Variants in NKAIN3 observed in about 807,000 individuals in gnomAD.
NKAIN3 encodes the protein sodium/potassium-transporting ATPase subunit beta-1-interacting protein 3.
A neutral mutation model predicts 30.2 loss-of-function variants in NKAIN3; 25 were observed. That is an observed-to-expected ratio of 0.83 (90% CI 0.60 to 1.16). The LOEUF (loss-of-function observed/expected upper bound fraction) is 1.16, where lower values mean the gene tolerates loss of function less well. Ranked by LOEUF, NKAIN3 falls within the 50% of genes most tolerant of loss-of-function variation. The pLI is 0.00. For missense variants in NKAIN3, 225 were observed against 254.1 expected (o/e 0.89, Z 0.78); for synonymous variants, 91 against 89.6 (o/e 1.02, Z -0.09).
chr8:62,885,867 G>T (rs893280226), intron 4 of NKAIN3, among the ~76,000 whole-genome samples: 1 of 151,992 alleles, frequency 6.6e-6, no homozygotes, highest in Non-Finnish European at 1.5e-5. Flanking sequence ...TTATCTGTAT[G>T]TGTTTTTACA....
At chr8:62,510,260 A>G (rs1807778604) in intron 1 of NKAIN3, among the ~76,000 whole-genome samples, 1 of 152,150 alleles carries the variant, frequency 6.6e-6, no homozygotes, top group Admixed American at 6.6e-5. Context: ...AACATCAAAA[A>G]CAATAAACGC....
intron 4 of NKAIN3, among the ~76,000 whole-genome samples, chr8:62,809,502 C>A (rs1442741061): frequency 6.6e-6 from 1 of 152,174 alleles, no homozygotes; most frequent in South Asian, 2.1e-4. Context: ...TTCAGCCAGT[C>A]CCTCTTTTTG....
Position 62,589,749 on chromosome 8 carries a change from T to G in NKAIN3, c.228T>G (p.Asn76Lys). The change falls in exon 3 of 7, where the codon AAT (asparagine) becomes AAG (lysine). Residue 76 changes from asparagine to lysine, a missense_variant. Coordinates refer to ENST00000623646, the MANE Select transcript of NKAIN3 (RefSeq NM_001304533.3). ...GGACTGCCCTCTGGGTCACCTGGAA[T>G]GTGTTCATTATCTGCTTTTATTTGG... ...TVWTALWVTWNVFIICFYLEV... is the reference protein window; with the variant it reads ...TVWTALWVTWKVFIICFYLEV... 6.2e-7 allele frequency: 1 copy of G among 1,606,396 alleles called. No individual in the cohort carries two copies. Among genetic ancestry groups the G allele is most frequent in the Non-Finnish European group, 8.5e-7 (1 of 1,174,748 alleles).
chr8:62,595,531 C>T (rs1004315932), intron 3 of NKAIN3, among the ~76,000 whole-genome samples: 28 of 151,964 alleles, frequency 1.8e-4, no homozygotes, highest in Non-Finnish European at 3.7e-4. Context: ...GTCCCTCCCA[C>T]TGTGCTCTCA....
At chr8:62,822,191 A>G (rs944536978) in intron 4 of NKAIN3, among the ~76,000 whole-genome samples, 1 of 152,182 alleles carries the variant, frequency 6.6e-6, no homozygotes, top group African/African-American at 2.4e-5. Flanking sequence ...TGATTGTTCT[A>G]TTGCTGATTT....
At chr8:62,997,790 T>A (rs1486229043) in intron 5 of NKAIN3, among the ~76,000 whole-genome samples, 4 of 150,094 alleles carry the variant, frequency 2.7e-5, no homozygotes, top group African/African-American at 9.8e-5. Context: ...GGAGGAACAA[T>A]GTATGGTGAG....
chr8:62,764,392 G>A (rs1816769498), intron 4 of NKAIN3, among the ~76,000 whole-genome samples: 1 of 152,152 alleles, frequency 6.6e-6, no homozygotes, highest in African/African-American at 2.4e-5. Flanking sequence ...CATTAATCTT[G>A]GTTCTGATGT....
intron 4 of NKAIN3, among the ~76,000 whole-genome samples, chr8:62,913,278 A>G (rs1315973095): frequency 6.6e-5 from 10 of 152,282 alleles, no homozygotes; most frequent in African/African-American, 2.2e-4. Flanking sequence ...TGTGTTTGCT[A>G]TACTTTTATA....
rs183551519 is a variant in NKAIN3, at chr8:62,859,561, T to C, written c.472-58892T>C. ...CCTAGTTACATTTAACCAAATTAAATAAATAACATTTTAACCAAAACCACA... is the reference window on the plus strand; with the variant it reads ...CCTAGTTACATTTAACCAAATTAAACAAATAACATTTTAACCAAAACCACA... On this transcript the variant is annotated intron_variant, in intron 4 of 6. Transcript: ENST00000623646. Among the ~76,000 whole-genome samples, 292 of 125,868 alleles carry C rather than the reference T, an allele frequency of 2.3e-3. 1 individual carries two copies. The highest frequency in any genetic ancestry group is 5.6e-3 in the Admixed American group (65 of 11,682). The allele number at this position is 125,868 out of a possible 152,430, so 82.6% of individuals were successfully genotyped here. A position where few individuals can be genotyped will look rare whatever the true frequency, so the allele number is the denominator to read the frequency against.
At chr8:62,608,354 T>C (rs906692688) in intron 3 of NKAIN3, among the ~76,000 whole-genome samples, 1 of 152,206 alleles carries the variant, frequency 6.6e-6, no homozygotes, top group Admixed American at 6.5e-5. Flanking sequence ...TGTTTAATAA[T>C]AGAGATTAGT....
At chr8:62,612,387 T>C (rs1322836668) in intron 3 of NKAIN3, among the ~76,000 whole-genome samples, 7 of 151,960 alleles carry the variant, frequency 4.6e-5, no homozygotes, top group Admixed American at 2.0e-4. Flanking sequence ...TCACTCCCTA[T>C]AGTTTTTGTC....
chr8:62,754,930 C>G (rs1816402414), intron 4 of NKAIN3, among the ~76,000 whole-genome samples: 1 of 152,146 alleles, frequency 6.6e-6, no homozygotes, highest in South Asian at 2.1e-4. Flanking sequence ...ACAGGTGAAA[C>G]TGAACTTTTG....
At chr8:62,369,787 C>T (rs1381639098) in intron 1 of NKAIN3, among the ~76,000 whole-genome samples, 1 of 151,572 alleles carries the variant, frequency 6.6e-6, no homozygotes, top group Non-Finnish European at 1.5e-5. Flanking sequence ...AGAATTGTAA[C>T]TATACAGTTA....
rs60878805 is a variant in NKAIN3 at position 62,481,827 on chromosome 8, C to G, written c.55-97712C>G. ...AAAGTCCTATATTGGATAGAAAATTCCTAACTGTGAACAGGTTAGACTCCA... is the reference window on the plus strand; with the variant it reads ...AAAGTCCTATATTGGATAGAAAATTGCTAACTGTGAACAGGTTAGACTCCA... On this transcript the variant is annotated intron_variant, in intron 1 of 6. Transcript: ENST00000623646. Among the ~76,000 whole-genome samples the G allele has an allele frequency of 1.8e-3, 274 of 152,232 alleles. 1 individual carries two copies. The highest frequency in any genetic ancestry group is 6.3e-3 in the African/African-American group (261 of 41,548).
chr8:62,655,052 A>G (rs975460443), intron 3 of NKAIN3, among the ~76,000 whole-genome samples: 55 of 152,158 alleles, frequency 3.6e-4, no homozygotes, highest in Non-Finnish European at 8.8e-5. Context: ...AAACTTATAA[A>G]TGCAGCTGTT....
intron 3 of NKAIN3, among the ~76,000 whole-genome samples, chr8:62,630,311 G>T (rs541549166): frequency 1.4e-4 from 21 of 152,190 alleles, no homozygotes; most frequent in African/African-American, 5.1e-4. Context: ...AAAAACATAT[G>T]TAGGATGGAG....
Position 62,686,099 on chromosome 8 carries a change from G to T in NKAIN3, c.274-60833G>T, listed in dbSNP as rs551835953. Among the ~76,000 whole-genome samples the T allele has an allele frequency of 2.0e-5, 3 of 152,146 alleles. No individual in the cohort carries two copies. The South Asian group carries it at 6.2e-4, about 32-fold the overall frequency. ...CTACCAGTCCTTCAGGACCTATCAC[G>T]GCTTACTCTCCAAGGCCACGTTCTC... On this transcript the variant is annotated intron_variant, in intron 3 of 6. Coordinates refer to ENST00000623646, the MANE Select transcript of NKAIN3 (RefSeq NM_001304533.3).
chr8:62,671,227 A>ATT (rs368311506), intron 3 of NKAIN3, among the ~76,000 whole-genome samples: 1 of 150,130 alleles, frequency 6.7e-6, no homozygotes, highest in African/African-American at 2.4e-5. Context: ...ATGATTTGAG[A>ATT]TTTTTTTTTT....
At chr8:62,990,400 T>C in intron 5 of NKAIN3, 1 of 1,086,974 alleles carries the variant, frequency 9.2e-7, no homozygotes. Flanking sequence ...AAAGCATAGG[T>C]TTTTTTTTAA....
Sources: allele counts gnomAD v4.1 joint callset (sites outside exome capture counted in the v4.1 genomes callset), GRCh38; gene constraint gnomAD v4.1.1; transcripts MANE v1.5; gene names NCBI Gene and HGNC (gene_info 2026-07-23, HGNC 2026-07-21).